CFAP299: variants seen among roughly 807,000 people sequenced by gnomAD.
CFAP299 encodes the protein cilia and flagella associated protein 299.
Under a neutral mutation model 27.0 loss-of-function variants are expected in CFAP299, and 21 were observed. The ratio of observed to expected loss-of-function variants is 0.78; its 90% CI spans 0.55 to 1.12. The LOEUF (loss-of-function observed/expected upper bound fraction) is 1.12, where lower values mean the gene tolerates loss of function less well. Among genes scored for constraint, CFAP299 ranks in the 50% most tolerant of loss-of-function variants. CFAP299 has a pLI of 0.00. For missense variants in CFAP299, 310 were observed against 276.6 expected, an observed-to-expected ratio of 1.12 and a Z score of -0.86; for synonymous variants, 104 against 98.1, an observed-to-expected ratio of 1.06 and a Z score of -0.36.
At chr4:80,679,281 C>T (rs753538477) in intron 3 of CFAP299, among the ~76,000 whole-genome samples, 3 of 151,864 alleles carry the variant, frequency 2.0e-5, no homozygotes, top group Admixed American at 6.6e-5. Context: ...TCCATTGTGT[C>T]GTGGTTTCAA....
chr4:80,911,724 A>G (rs887953203), intron 4 of CFAP299, among the ~76,000 whole-genome samples: 11 of 152,186 alleles, frequency 7.2e-5, no homozygotes, highest in African/African-American at 2.2e-4. Flanking sequence ...GAGAAAGGAA[A>G]TCAGAATCAC....
At chr4:80,799,809 A>ATATCATAT (rs1491586559) in intron 3 of CFAP299, among the ~76,000 whole-genome samples, 1 of 24,088 alleles carries the variant, frequency 4.2e-5, no homozygotes, top group African/African-American at 5.1e-4. Context: ...TATAATATAT[A>ATATCATAT]AATATATATA....
chr4:80,608,394 C>T, intron 3 of CFAP299: 1 of 1,513,034 alleles, frequency 6.6e-7, no homozygotes. Context: ...GTAAGTACTG[C>T]TTATGGAAAA....
At chr4:80,603,030 G>C (rs553291354) in intron 3 of CFAP299, among the ~76,000 whole-genome samples, 30 of 152,172 alleles carry the variant, frequency 2.0e-4, no homozygotes, top group Admixed American at 1.2e-3. Flanking sequence ...ACTCCCAAAA[G>C]TATAAGCAAA....
intron 3 of CFAP299, among the ~76,000 whole-genome samples, chr4:80,740,634 C>G (rs542356806): frequency 1.3e-5 from 2 of 152,230 alleles, no homozygotes; most frequent in South Asian, 4.2e-4. Flanking sequence ...TCCCACAGGC[C>G]CTGGACATGT....
At chr4:80,732,808 G>A (rs751254185) in intron 3 of CFAP299, among the ~76,000 whole-genome samples, 9 of 152,020 alleles carry the variant, frequency 5.9e-5, no homozygotes, top group Non-Finnish European at 1.3e-4. Context: ...GATCTTCAAC[G>A]ATGATATTTA....
intron 3 of CFAP299, among the ~76,000 whole-genome samples, chr4:80,762,481 T>C (rs1560738491): frequency 6.6e-6 from 1 of 152,144 alleles, no homozygotes; most frequent in African/African-American, 2.4e-5. Context: ...ATGCACCTGG[T>C]CCTGGTATAG....
intron 3 of CFAP299, among the ~76,000 whole-genome samples, chr4:80,773,720 T>C (rs907999521): frequency 6.6e-6 from 1 of 152,104 alleles, no homozygotes; most frequent in African/African-American, 2.4e-5. Context: ...TCCATTTCAC[T>C]TGATGTTTGG....
intron 2 of CFAP299, among the ~76,000 whole-genome samples, chr4:80,540,912 A>G (rs1299732212): frequency 6.6e-6 from 1 of 152,146 alleles, no homozygotes; most frequent in Non-Finnish European, 1.5e-5. Context: ...TGAAACTCTC[A>G]TCTGTTCCTT....
intron 2 of CFAP299, among the ~76,000 whole-genome samples, chr4:80,581,912 G>GA (rs1736194785): frequency 1.3e-5 from 2 of 151,908 alleles, no homozygotes; most frequent in East Asian, 3.9e-4. Context: ...AACCTTCCCT[G>GA]AAAGGGGTTG....
At chr4:80,534,733 T>C (rs1349633401) in intron 2 of CFAP299, among the ~76,000 whole-genome samples, 1 of 152,158 alleles carries the variant, frequency 6.6e-6, no homozygotes, top group East Asian at 1.9e-4. Flanking sequence ...GTCACTAAAA[T>C]TGATTTTCAT....
At chr4:80,820,412 G>A (rs1423464200) in intron 3 of CFAP299, among the ~76,000 whole-genome samples, 2 of 152,186 alleles carry the variant, frequency 1.3e-5, no homozygotes, top group Admixed American at 1.3e-4. Flanking sequence ...ATCAGATCAG[G>A]AGTAAAGGAG....
At chr4:80,942,723 C>T (rs1448754883) in intron 4 of CFAP299, among the ~76,000 whole-genome samples, 1 of 152,082 alleles carries the variant, frequency 6.6e-6, no homozygotes, top group Admixed American at 6.6e-5. Context: ...AACCATGCCA[C>T]TCTAAGCACA....
At chr4:80,898,877 C>T (rs1301743391) in intron 4 of CFAP299, among the ~76,000 whole-genome samples, 1 of 152,098 alleles carries the variant, frequency 6.6e-6, no homozygotes, top group Non-Finnish European at 1.5e-5. Context: ...GCAGGAGCTA[C>T]TTTAGACAAA....
At position 80,800,385 on chromosome 4, in the gene CFAP299, A is replaced by C. The variant is rs1356703130; in HGVS notation, c.334-69608A>C. On this transcript the variant is annotated intron_variant, in intron 3 of 5. Transcript: ENST00000358105. ...TATTAATATAATATATATAATATAT[A>C]ATATATTAATATAATATATATTGAT... Among the ~76,000 whole-genome samples the C allele has an allele frequency of 6.3e-4, 37 of 58,668 alleles. 2 individuals carry two copies. Among genetic ancestry groups the C allele is most frequent in the African/African-American group, 3.2e-3 (34 of 10,620 alleles). 38.5% of individuals were successfully genotyped at this position (58,668 alleles called of 152,430 possible).
intron 4 of CFAP299, among the ~76,000 whole-genome samples, chr4:80,899,018 C>G (rs1430152822): frequency 6.6e-6 from 1 of 152,180 alleles, no homozygotes; most frequent in Non-Finnish European, 1.5e-5. Context: ...TACAGCTAAA[C>G]AGCAAGATGT....
intron 3 of CFAP299, among the ~76,000 whole-genome samples, chr4:80,696,348 T>G (rs1317036917): frequency 6.6e-6 from 1 of 151,488 alleles, no homozygotes; most frequent in East Asian, 1.9e-4. Context: ...TTAACTGTAC[T>G]AATTTTAAAT....
chr4:80,692,605 CT>C (rs902024556), intron 3 of CFAP299, among the ~76,000 whole-genome samples: 14 of 152,084 alleles, frequency 9.2e-5, no homozygotes, highest in Non-Finnish European at 1.6e-4. Context: ...AGAAGAAAAC[CT>C]AGGCATTACC....
At chr4:80,509,239 T>C (rs113213065) in intron 2 of CFAP299, among the ~76,000 whole-genome samples, 1 of 152,204 alleles carries the variant, frequency 6.6e-6, no homozygotes, top group African/African-American at 2.4e-5. Context: ...CTTATAAAAA[T>C]AATAGCATGG....
Sources: allele counts gnomAD v4.1 joint callset (sites outside exome capture counted in the v4.1 genomes callset), GRCh38; gene constraint gnomAD v4.1.1; transcripts MANE v1.5; gene names NCBI Gene and HGNC (gene_info 2026-07-23, HGNC 2026-07-21).